Variants in DAPK2 observed in about 807,000 individuals in gnomAD.
DAPK2 encodes the protein death associated protein kinase 2, also known as death-associated protein kinase 2.
A neutral mutation model predicts 44.1 loss-of-function variants in DAPK2; 35 were observed. The observed-to-expected ratio is 0.79, with a 90% CI of 0.61 to 1.05. The LOEUF is 1.05. DAPK2 is among the 50% of genes least tolerant of loss of function. DAPK2 has a pLI of 0.00. For missense variants in DAPK2, 453 were observed against 483.2 expected (o/e 0.94, Z 0.59); for synonymous variants, 174 against 182.6 (o/e 0.95, Z 0.38).
intron 1 of DAPK2, among the ~76,000 whole-genome samples, chr15:64,008,387 C>G (rs2079295616): frequency 6.6e-6 from 1 of 152,184 alleles, no homozygotes; most frequent in African/African-American, 2.4e-5. Flanking sequence ...TTGAGACTCA[C>G]AGAGTTACAG....
In DAPK2 at chr15:63,925,924, C is replaced by A. The variant is rs989841990; in HGVS notation, c.812+17G>T. Reference sequence around the variant, plus strand: ...GGATCAGTACCTGAGAAACCAGTGGCTTCTCTGTCCTCTTACCGGGTCTCT... The same window carrying A: ...GGATCAGTACCTGAGAAACCAGTGGATTCTCTGTCCTCTTACCGGGTCTCT... On this transcript the variant is annotated intron_variant, in intron 7 of 10. Coordinates refer to ENST00000261891, the Ensembl canonical transcript of DAPK2. 6.2e-7 allele frequency: 1 copy of A among 1,614,008 alleles called. No individual in the cohort carries two copies. The highest frequency in any genetic ancestry group is 1.3e-5 in the African/African-American group (1 of 75,026).
chr15:63,925,678 G>GCA (rs3222873), intron 7 of DAPK2, among the ~76,000 whole-genome samples: 2,660 of 138,456 alleles, frequency 0.019, 39 homozygotes, highest in African/African-American at 0.04. Context: ...GACTTGTAGC[G>GCA]CACACACACA....
Position 63,945,772 on chromosome 15 carries a change from G to A in DAPK2, c.454-6411C>T, listed in dbSNP as rs142746902. ...TGGATGGCATCCAAAGCCCCTTCAAGCTCTGGGCTCTGCAGTTTCGAGATG... is the reference window on the plus strand; with the variant it reads ...TGGATGGCATCCAAAGCCCCTTCAAACTCTGGGCTCTGCAGTTTCGAGATG... On this transcript the variant is annotated intron_variant, in intron 3 of 10. Coordinates refer to ENST00000261891, the Ensembl canonical transcript of DAPK2. Among the ~76,000 whole-genome samples the A allele has an allele frequency of 4.5e-3, 691 of 152,312 alleles. 4 individuals carry two copies. The highest frequency in any genetic ancestry group is 7.6e-3 in the Non-Finnish European group (517 of 68,036).
intron 1 of DAPK2, among the ~76,000 whole-genome samples, chr15:64,033,096 A>G (rs2080063144): frequency 6.6e-6 from 1 of 151,562 alleles, no homozygotes; most frequent in Non-Finnish European, 1.5e-5. Context: ...AAAAATAAAT[A>G]AGTAAATAAA....
Position 63,922,923 on chromosome 15 carries a change from A to T in DAPK2, c.858+1893T>A, listed in dbSNP as rs1442538542. 5 of 1,535,728 alleles carry T rather than the reference A, an allele frequency of 3.3e-6. No homozygotes were observed. In the African/African-American group the frequency reaches 6.8e-5, roughly 21 times the overall value. The stretch of plus-strand genomic sequence containing the variant: ...GAGAGCTCCTGCCTCAGAATCTCAA[A>T]CTGGGCTTGCAGATGGTCCAGTTTC... On this transcript the variant is annotated intron_variant, in intron 8 of 10. Coordinates refer to ENST00000261891, the Ensembl canonical transcript of DAPK2.
At chr15:64,043,025 A>G (rs1035093423), upstream of DAPK2, among the ~76,000 whole-genome samples, 3 of 152,214 alleles carry the variant, frequency 2.0e-5, no homozygotes, top group African/African-American at 7.2e-5. Flanking sequence ...AATAGATTCC[A>G]TAGTCATCAC....
At chr15:64,042,523 T>G (rs1271951656), upstream of DAPK2, among the ~76,000 whole-genome samples, 2 of 152,162 alleles carry the variant, frequency 1.3e-5, no homozygotes, top group African/African-American at 4.8e-5. This position sits in a 1 kb window ranked among gnomAD's most constrained non-coding sequence, Gnocchi z 4.7. Flanking sequence ...AGAGGCCAGC[T>G]CCATTTGCTG....
intron 3 of DAPK2, among the ~76,000 whole-genome samples, chr15:63,946,049 A>C (rs2077441297): frequency 1.3e-5 from 2 of 152,222 alleles, no homozygotes; most frequent in South Asian, 4.1e-4. Context: ...CCTCCAAAGC[A>C]CGGCTGGAGG....
At chr15:64,003,010 G>GTGTGTT (rs1314879276) in intron 1 of DAPK2, among the ~76,000 whole-genome samples, 90 of 140,482 alleles carry the variant, frequency 6.4e-4, no homozygotes, top group African/African-American at 1.8e-3. Context: ...GTGTGTGTGT[G>GTGTGTT]TGTGTCGTGG....
intron 1 of DAPK2, among the ~76,000 whole-genome samples, chr15:64,016,005 A>AG (rs1179688602): frequency 5.3e-5 from 8 of 152,228 alleles, no homozygotes; most frequent in Admixed American, 5.2e-4. Context: ...CAGCAGGGAA[A>AG]GGGGGCATAG....
rs1447366806 is a variant in DAPK2 at position 63,939,391 on chromosome 15, A to ATAAAT, written c.454-31_454-30insATTTA. The ATAAAT allele has an allele frequency of 6.5e-7, 1 of 1,549,002 alleles. No individual in the cohort carries two copies. Among genetic ancestry groups the ATAAAT allele is most frequent in the African/African-American group, 1.4e-5 (1 of 71,694 alleles). ...ACAACAAAAAGTAGAAAAAAAAAAA[A>ATAAAT]GGAAGGAAGAAAAGAAAAAAAAAGA... On this transcript the variant is annotated intron_variant, in intron 3 of 10. Transcript: ENST00000261891. The surrounding 1 kb of genome is among the most constrained non-coding windows in gnomAD (Gnocchi z 4.3).
chr15:63,923,329 G>T lies in DAPK2; in HGVS notation c.858+1487C>A. 1 of 1,535,036 alleles carries T rather than the reference G, an allele frequency of 6.5e-7. No individual in the cohort carries two copies. Among genetic ancestry groups the T allele is most frequent in the South Asian group, 1.2e-5 (1 of 84,046 alleles). On this transcript the variant is annotated intron_variant, in intron 8 of 10. Transcript: ENST00000261891. The surrounding 1 kb of genome is among the most constrained non-coding windows in gnomAD (Gnocchi z 4.2). ...CTGTCTTCCGCTGTTCAGGGGCTCT[G>T]CCTTCTCCTTTTGACTGGTGGGTGT...
chr15:64,014,927 C>CA lies in DAPK2; in HGVS notation c.92+25242dup, dbSNP rs5813274. On this transcript the variant is annotated intron_variant, in intron 1 of 10. Coordinates refer to ENST00000261891, the Ensembl canonical transcript of DAPK2. ...TGGGTGAAAGAGCGAGACTCCATCT[C>CA]AAAAAAAAAAAAAAAACATTCTGAC... Among the ~76,000 whole-genome samples, 339 of 120,232 alleles carry CA rather than the reference C, an allele frequency of 2.8e-3. 3 individuals are homozygous for CA. In the South Asian group the frequency reaches 0.03, roughly 11 times the overall value. 78.9% of individuals were successfully genotyped at this position (120,232 alleles called of 152,430 possible).
At chr15:63,970,675 G>A (rs747087108) in intron 3 of DAPK2, among the ~76,000 whole-genome samples, 4 of 152,144 alleles carry the variant, frequency 2.6e-5, no homozygotes, top group Non-Finnish European at 5.9e-5. Context: ...GAAAAATGAA[G>A]GGATCTCCCC....
At chr15:64,033,317 GAAGGAAGGA>G (rs1306539183) in intron 1 of DAPK2, among the ~76,000 whole-genome samples, 4 of 142,832 alleles carry the variant, frequency 2.8e-5, no homozygotes. Context: ...AGGAAGGAAG[GAAGGAAGGA>G]AAAAAAAAAT....
At chr15:63,924,932 C>G in intron 7 of DAPK2, 71 bp from the exon 9 acceptor site, 2 of 1,540,330 alleles carry the variant, frequency 1.3e-6, no homozygotes, top group Non-Finnish European at 1.8e-6. Context: ...TCCGTTCTCA[C>G]TCTTTTTAGA....
At chr15:63,941,997 T>C (rs1446633645) in intron 3 of DAPK2, among the ~76,000 whole-genome samples, 1 of 152,226 alleles carries the variant, frequency 6.6e-6, no homozygotes, top group African/African-American at 2.4e-5. Flanking sequence ...GAAAAGACAG[T>C]GAGACATCTC....
At chr15:63,974,917 G>A (rs1434061811) in intron 2 of DAPK2, among the ~76,000 whole-genome samples, 1 of 152,164 alleles carries the variant, frequency 6.6e-6, no homozygotes, top group Non-Finnish European at 1.5e-5. Context: ...TTAGGCTTAA[G>A]TTCACTGTTT....
intron 1 of DAPK2, among the ~76,000 whole-genome samples, chr15:64,026,519 C>T (rs1201770739): frequency 6.6e-6 from 1 of 152,166 alleles, no homozygotes; most frequent in Non-Finnish European, 1.5e-5. Context: ...GCTGGGATTA[C>T]AGGAGTGAGC....
Sources: allele counts gnomAD v4.1 joint callset (sites outside exome capture counted in the v4.1 genomes callset), GRCh38; gene constraint gnomAD v4.1.1; non-coding constraint Gnocchi (gnomAD v3.1); transcripts MANE v1.5; gene names NCBI Gene and HGNC (gene_info 2026-07-23, HGNC 2026-07-21).